The following KRT74 variants were observed in gnomAD, a reference collection of about 807,000 sequenced individuals.
The protein encoded by KRT74 is keratin, type II cytoskeletal 74.
In KRT74, 43 loss-of-function variants were observed where a neutral mutation model predicts 42.7. That is an observed-to-expected ratio of 1.01 (90% CI 0.79 to 1.30). The LOEUF is 1.30. Ranked by LOEUF, KRT74 falls within the 50% of genes most tolerant of loss-of-function variation. The pLI is 0.00. For missense variants in KRT74, 736 were observed against 689.1 expected (o/e 1.07, Z -0.76); for synonymous variants, 302 against 279.0 (o/e 1.08, Z -0.82).
At chr12:52,570,293 C>A (rs1170096534) in intron 5 of KRT74, among the ~76,000 whole-genome samples, 1 of 152,206 alleles carries the variant, frequency 6.6e-6, no homozygotes, top group African/African-American at 2.4e-5. Flanking sequence ...CACTCGCCCC[C>A]CACCAAATTC....
Position 52,568,237 on chromosome 12 carries a change from C to T in KRT74, c.1287G>A (p.Met429Ile), listed in dbSNP as rs1300485699. The T allele has an allele frequency of 1.2e-6, 2 of 1,614,244 alleles. No individual in the cohort carries two copies. The highest frequency in any genetic ancestry group is 1.7e-5 in the Admixed American group (1 of 60,038). The part of the protein sequence containing the change: ...ARMLREYQEL[M>I]SLKLALDMEI... ...CCATGTCCAGGGCCAGTTTCAGGCT[C>T]ATGAGCTCCTGGTACTCGCGCAGCA... is the stretch of plus-strand genomic sequence containing the variant. The change falls in exon 7 of 9, where the codon ATG becomes ATA. Residue 429 changes from methionine to isoleucine, a missense_variant. Met to Ile is a conservative substitution (Grantham distance 10). Coordinates refer to ENST00000305620, the MANE Select transcript of KRT74 (RefSeq NM_175053.4).
In KRT74 at chr12:52,566,746, G is replaced by C. The variant is rs529084280; in HGVS notation, c.*223C>G. ...AAGCCTCCTGCCAGCCAAAGGCAGC[G>C]AGGAAAATGAGAAGTCGTTAGTCCA... On this transcript the variant is annotated 3_prime_UTR_variant, in exon 9 of 9. Transcript: ENST00000305620. 1 of 432,052 alleles carries C rather than the reference G, an allele frequency of 2.3e-6. No homozygotes were observed. The allele number at this position is 432,052 out of a possible 1,614,324, so 26.8% of individuals were successfully genotyped here.
At chr12:52,572,319 AGCC>A in intron 2 of KRT74, 131 bp downstream of exon 2, 1 of 924,340 alleles carries the variant, frequency 1.1e-6, no homozygotes, top group Admixed American at 1.9e-5. Flanking sequence ...CCTTCCCCCT[AGCC>A]AGAGAAAGGG....
At chr12:52,572,066 G>A in intron 2 of KRT74, 62 bp from the exon 3 acceptor site, 1 of 1,260,096 alleles carries the variant, frequency 7.9e-7, no homozygotes, top group Admixed American at 1.7e-5. Context: ...TCTTCCTGCT[G>A]GCCAGGCAAA....
chr12:52,568,657 C>T (rs544325388), intron 6 of KRT74: 16 of 545,172 alleles, frequency 2.9e-5, no homozygotes, highest in East Asian at 1.6e-4. Flanking sequence ...TGCCTGAGAC[C>T]GGAGGCCACC....
intron 6 of KRT74, chr12:52,569,621 T>C (rs1939439554): frequency 1.6e-5 from 10 of 607,258 alleles, no homozygotes; most frequent in Non-Finnish European, 2.6e-5. Flanking sequence ...CCAGCCCAGT[T>C]GCTTTATCTG....
intron 7 of KRT74, 130 bp from the exon 8 acceptor site, chr12:52,567,823 C>A (rs117515199): frequency 1.3e-6 from 1 of 755,010 alleles, no homozygotes; most frequent in Non-Finnish European, 2.4e-6. Context: ...CTGACACTAT[C>A]GCCTTCATCT....
Position 52,573,720 on chromosome 12 carries a change from A to G in KRT74, c.58T>C (p.Ser20Pro), listed in dbSNP as rs777204175. The change falls in exon 1 of 9, where the codon TCG becomes CCG. Residue 20 changes from serine (S) to proline (P), a missense_variant. By Grantham distance (74) the Ser-to-Pro change is moderately conservative. Coordinates refer to ENST00000305620, the MANE Select transcript of KRT74 (RefSeq NM_175053.4). ...SGDKGNFSVH[S>P]AVVPRKAVGS... ...ACAGCCTTCCTTGGCACCACTGCCG[A>G]ATGCACACTGAAGTTGCCCTTGTCA... is the stretch of plus-strand genomic sequence containing the variant. 3.1e-6 allele frequency: 5 copies of G among 1,613,952 alleles called. No homozygotes were observed. The highest frequency in any genetic ancestry group is 4.2e-6 in the Non-Finnish European group (5 of 1,180,040).
At chr12:52,571,816 C>T (rs1939486744) in intron 3 of KRT74, 128 bp downstream of exon 3, 1 of 786,088 alleles carries the variant, frequency 1.3e-6, no homozygotes, top group Non-Finnish European at 2.3e-6. Context: ...ATGACTCCAC[C>T]CTCACCAGGC....
rs750109920 is a variant in KRT74 at position 52,573,421 on chromosome 12, C to G, written c.357G>C (p.Lys119Asn). The change falls in exon 1 of 9, where the codon AAG (lysine) becomes AAC (asparagine). Residue 119 changes from lysine to asparagine, a missense_variant. Lys to Asn is a moderately conservative substitution (Grantham distance 94). Transcript: ENST00000305620. ...PGGIHQVTVNKSLLAPLNVEL... is the reference protein window; with the variant it reads ...PGGIHQVTVNNSLLAPLNVEL... ...CCACGTTGAGGGGGGCCAAGAGGCT[C>G]TTGTTGACAGTGACCTGGTGGATGC... 1.7e-5 allele frequency: 28 copies of G among 1,614,102 alleles called. No homozygotes were observed. The highest frequency in any genetic ancestry group is 2.2e-5 in the Non-Finnish European group (26 of 1,180,058).
chr12:52,568,023 C>T (rs1264768291), intron 7 of KRT74, 146 bp downstream of exon 7: 20 of 961,738 alleles, frequency 2.1e-5, no homozygotes, highest in Non-Finnish European at 3.2e-5. Context: ...CCAACAACCC[C>T]TTGCAGGAAG....
chr12:52,571,878 T>C (rs1939487938), intron 3 of KRT74, 66 bp downstream of exon 3: 1 of 1,117,862 alleles, frequency 8.9e-7, no homozygotes, highest in Non-Finnish European at 1.4e-6. Context: ...TGGGCTGAAG[T>C]CCTGAGCAGA....
At position 52,568,098 on chromosome 12, in the gene KRT74, C is replaced by T. The variant is rs1939410333; in HGVS notation, c.1355+71G>A. The T allele has an allele frequency of 3.9e-6, 6 of 1,546,664 alleles. No homozygotes were observed. In the South Asian group the frequency reaches 5.6e-5, roughly 14 times the overall value. ...TATTGGCACTAACCATGTTGTTCTC[C>T]AGGTGGCCCCTCAGCCAGACAGGAG... On this transcript the variant is annotated intron_variant, in intron 7 of 8. Coordinates refer to ENST00000305620, the MANE Select transcript of KRT74 (RefSeq NM_175053.4).
In KRT74 at chr12:52,569,855, C is replaced by T. The variant is rs1939444288; in HGVS notation, c.1134+4G>A. The stretch of plus-strand genomic sequence containing the variant: ...CGGGAGTTCTTTGTGGGGCTGCTGC[C>T]CACCTGCTTCTTCACATTCCCGATC... On this transcript the variant is annotated splice_donor_region_variant and intron_variant, in intron 6 of 8. Coordinates refer to ENST00000305620, the MANE Select transcript of KRT74 (RefSeq NM_175053.4). 6.2e-7 allele frequency: 1 copy of T among 1,614,134 alleles called. No homozygotes were observed. The highest frequency in any genetic ancestry group is 8.5e-7 in the Non-Finnish European group (1 of 1,180,028).
At chr12:52,570,889 C>T in intron 4 of KRT74, 56 bp from the exon 5 acceptor site, 2 of 1,603,042 alleles carry the variant, frequency 1.2e-6, no homozygotes, top group South Asian at 2.2e-5. Context: ...TCTTCTGCCC[C>T]ATCAGTCTTC....
rs1183632530 is a variant in KRT74, at chr12:52,572,596, G to C, written c.543C>G (p.Asn181Lys). The C allele has an allele frequency of 6.2e-7, 1 of 1,614,170 alleles. No homozygotes were observed. The highest frequency in any genetic ancestry group is 1.1e-5 in the South Asian group (1 of 91,082). ...TGGGCTCCAGGTTCTTCTTGCAGTT[G>C]TTCAGGTCCAGCTGCTGCAGCAGCT... The part of the protein sequence containing the change: ...KWELLQQLDL[N>K]NCKKNLEPIL... The change falls in exon 2 of 9, where the codon AAC (asparagine) becomes AAG (lysine). Residue 181 changes from asparagine (N) to lysine (K), a missense_variant. By Grantham distance (94) the Asn-to-Lys change is moderately conservative. Coordinates refer to ENST00000305620, the MANE Select transcript of KRT74 (RefSeq NM_175053.4).
rs1476513661 is a variant in KRT74 at position 52,573,808 on chromosome 12, G to A, written c.-31C>T. On this transcript the variant is annotated 5_prime_UTR_variant, in exon 1 of 9. Transcript: ENST00000305620. ...GAAAGGTTGAGTTGACAGAGCTGGA[G>A]AAAAGCAGTCTCCAAGGGGTAGAGA... 6.4e-7 allele frequency: 1 copy of A among 1,566,216 alleles called. No individual in the cohort carries two copies. Among genetic ancestry groups the A allele is most frequent in the South Asian group, 1.1e-5 (1 of 89,762 alleles).
At chr12:52,569,094 C>T (rs1939428711) in intron 6 of KRT74, among the ~76,000 whole-genome samples, 1 of 152,122 alleles carries the variant, frequency 6.6e-6, no homozygotes, top group Non-Finnish European at 1.5e-5. Context: ...GTTGTGGGGG[C>T]ACCAGAAGGA....
Position 52,568,336 on chromosome 12 carries a change from G to A in KRT74, c.1188C>T (p.Ala396=). ...CCAGCTTGGCCTGGGCATCCTTCAG[G>A]GCATTGTCTCCCCGCTGCTCAGCGT... ...IADAEQRGDN[A]LKDAQAKLDE... Residue 396 remains alanine (A), a synonymous_variant, in exon 7 of 9, where the codon GCC becomes GCT. Transcript: ENST00000305620. 6.2e-7 allele frequency: 1 copy of A among 1,614,210 alleles called. No homozygotes were observed. Among genetic ancestry groups the A allele is most frequent in the Non-Finnish European group, 8.5e-7 (1 of 1,180,046 alleles).
Sources: gnomAD v4.1 joint callset for allele counts (sites outside exome capture counted in the v4.1 genomes callset) on GRCh38, gnomAD v4.1.1 for gene constraint, MANE v1.5 for transcripts, NCBI Gene and HGNC (gene_info 2026-07-23, HGNC 2026-07-21) for gene names.